The following PTCHD4 variants were observed in gnomAD, a reference collection of about 807,000 sequenced individuals.
The protein encoded by PTCHD4 is patched domain containing 4.
Under a neutral mutation model 58.1 loss-of-function variants are expected in PTCHD4, and 33 were observed. The ratio of observed to expected loss-of-function variants is 0.57; its 90% CI spans 0.43 to 0.76. PTCHD4 has a LOEUF of 0.76. PTCHD4 is among the 30% of genes least tolerant of loss of function. PTCHD4 has a pLI of 0.00. For missense variants in PTCHD4, 1,058 were observed against 1,027.1 expected (o/e 1.03, Z -0.41); for synonymous variants, 478 against 409.6 (o/e 1.17, Z -2.02).
intron 4 of PTCHD4, among the ~76,000 whole-genome samples, chr6:47,998,901 A>T (rs1768604720): frequency 6.6e-6 from 1 of 152,206 alleles, no homozygotes; most frequent in South Asian, 2.1e-4. Flanking sequence ...ATACATAAAA[A>T]TAGGCACATT....
Position 47,879,342 on chromosome 6 carries a change from C to A in PTCHD4, c.1493G>T (p.Ser498Ile). ...IINLLASDSP[S>I]VSYAMVQQKY... The stretch of plus-strand genomic sequence containing the variant: ...CTGCTGAACCATGGCATAGGAAACA[C>A]TTGGCGAATCACTGGCTAGTAGATT... The change falls in exon 5 of 5, where the codon AGT becomes ATT. Residue 498 changes from serine (S) to isoleucine (I), a missense_variant. By Grantham distance (142) the Ser-to-Ile change is moderately radical (BLOSUM62 -2). Coordinates refer to ENST00000339488, the MANE Select transcript of PTCHD4 (RefSeq NM_001384253.1). 1 of 1,613,394 alleles carries A rather than the reference C, an allele frequency of 6.2e-7. No individual in the cohort carries two copies. Among genetic ancestry groups the A allele is most frequent in the South Asian group, 1.1e-5 (1 of 91,022 alleles).
chr6:48,014,643 A>G (rs1762805350), intron 3 of PTCHD4, among the ~76,000 whole-genome samples: 4 of 152,180 alleles, frequency 2.6e-5, no homozygotes, highest in Admixed American at 2.6e-4. Flanking sequence ...CTATTTTTCT[A>G]TGAAAATACA....
At position 47,989,439 on chromosome 6, in the gene PTCHD4, C is replaced by T. The variant is rs111744588; in HGVS notation, c.898+19195G>A. Among the ~76,000 whole-genome samples, 1,301 of 152,300 alleles carry T rather than the reference C, an allele frequency of 8.5e-3. 14 individuals are homozygous for T. The highest frequency in any genetic ancestry group is 0.034 in the South Asian group (162 of 4,826). On this transcript the variant is annotated intron_variant, in intron 4 of 4. Coordinates refer to ENST00000339488, the MANE Select transcript of PTCHD4 (RefSeq NM_001384253.1). ...GGCATGTCAGAGGTCTTCAACGTAG[C>T]CTTTCCTGTCATAGGCCCAGAGGCT...
At chr6:47,892,777 A>G (rs559102581) in intron 4 of PTCHD4, among the ~76,000 whole-genome samples, 1 of 152,364 alleles carries the variant, frequency 6.6e-6, no homozygotes, top group South Asian at 2.1e-4. Flanking sequence ...GCTTCAAAGG[A>G]CAAGTTTTAA....
intron 3 of PTCHD4, among the ~76,000 whole-genome samples, chr6:48,020,722 C>T (rs1226798278): frequency 1.3e-5 from 2 of 151,974 alleles, no homozygotes; most frequent in East Asian, 3.9e-4. Context: ...ACTTACAATA[C>T]AGAAGACGTT....
At chr6:48,066,406 T>C (rs964669997) in intron 3 of PTCHD4, among the ~76,000 whole-genome samples, 3 of 152,140 alleles carry the variant, frequency 2.0e-5, no homozygotes, top group African/African-American at 7.2e-5. Context: ...CAACCAATAA[T>C]GCATACTAAT....
chr6:48,036,374 T>C (rs1216575850), intron 3 of PTCHD4, among the ~76,000 whole-genome samples: 1 of 152,120 alleles, frequency 6.6e-6, no homozygotes, highest in African/African-American at 2.4e-5. Context: ...AGTTTCAGTT[T>C]CCTGTGGTCA....
At chr6:47,949,564 A>T (rs1211271534) in intron 4 of PTCHD4, among the ~76,000 whole-genome samples, 1 of 152,156 alleles carries the variant, frequency 6.6e-6, no homozygotes, top group East Asian at 1.9e-4. Context: ...TGTATTGATT[A>T]TCTGCTTGAG....
At chr6:47,905,874 C>T (rs1357316039) in intron 4 of PTCHD4, among the ~76,000 whole-genome samples, 1 of 152,232 alleles carries the variant, frequency 6.6e-6, no homozygotes, top group African/African-American at 2.4e-5. Context: ...TTGCCATCAG[C>T]ACCTCCTGAG....
At chr6:48,055,285 A>T (rs535224280) in intron 3 of PTCHD4, among the ~76,000 whole-genome samples, 1 of 152,214 alleles carries the variant, frequency 6.6e-6, no homozygotes, top group African/African-American at 2.4e-5. Context: ...TATGATGACA[A>T]CTGTGTATTT....
chr6:48,093,602 G>A (rs1765407850), intron 1 of PTCHD4, among the ~76,000 whole-genome samples: 1 of 152,068 alleles, frequency 6.6e-6, no homozygotes, highest in Non-Finnish European at 1.5e-5. Context: ...CAAGGTATAG[G>A]ATGGGAGAAA....
chr6:47,967,672 T>C (rs1767345130), intron 4 of PTCHD4, among the ~76,000 whole-genome samples: 1 of 152,212 alleles, frequency 6.6e-6, no homozygotes, highest in Non-Finnish European at 1.5e-5. Flanking sequence ...GCTGCAGCAC[T>C]TGTGATTGCA....
rs970204487 is a variant in PTCHD4, at chr6:48,103,301, C to A, written c.-970+7748G>T. On this transcript the variant is annotated intron_variant, in intron 1 of 4. Coordinates refer to ENST00000339488, the MANE Select transcript of PTCHD4 (RefSeq NM_001384253.1). ...AGCAGCATTTGCGGTTCACCAATAT[C>A]CGCTGTTCTGCAGCTACTGCTGCTG... Among the ~76,000 whole-genome samples, 170 of 152,174 alleles carry A rather than the reference C, an allele frequency of 1.1e-3. 4 individuals are homozygous for A. The highest frequency in any genetic ancestry group is 0.011 in the Admixed American group (170 of 15,288).
intron 4 of PTCHD4, among the ~76,000 whole-genome samples, chr6:47,930,828 C>G (rs1765791535): frequency 6.6e-6 from 1 of 152,166 alleles, no homozygotes; most frequent in African/African-American, 2.4e-5. Flanking sequence ...GAGTCTCGCT[C>G]TGTTGCCCAG....
intron 4 of PTCHD4, among the ~76,000 whole-genome samples, chr6:47,891,189 T>A (rs578045556): frequency 1.5e-5 from 2 of 136,406 alleles, no homozygotes; most frequent in East Asian, 4.2e-4. Context: ...GCCACTGCAC[T>A]CCAGTCTGGG....
At chr6:48,101,640 T>G (rs6910789) in intron 1 of PTCHD4, among the ~76,000 whole-genome samples, 1 of 152,224 alleles carries the variant, frequency 6.6e-6, no homozygotes, top group African/African-American at 2.4e-5. Context: ...TATTATAAAT[T>G]AATAATTCCT....
intron 3 of PTCHD4, among the ~76,000 whole-genome samples, chr6:48,062,283 G>C (rs1471650320): frequency 6.6e-6 from 1 of 152,014 alleles, no homozygotes; most frequent in Admixed American, 6.6e-5. Flanking sequence ...GGCGGGGTGG[G>C]GATGATCTTG....
intron 4 of PTCHD4, among the ~76,000 whole-genome samples, chr6:47,975,525 A>AT (rs1767663220): frequency 6.6e-6 from 1 of 152,044 alleles, no homozygotes. Context: ...TGGTTCATGG[A>AT]TTTTTCAACT....
chr6:47,989,825 C>A (rs933073646), intron 4 of PTCHD4, among the ~76,000 whole-genome samples: 1 of 152,174 alleles, frequency 6.6e-6, no homozygotes, highest in East Asian at 1.9e-4. Context: ...CACAGAGAGG[C>A]CCCACCGGGG....
Sources: gnomAD v4.1 joint callset for allele counts (sites outside exome capture counted in the v4.1 genomes callset) on GRCh38, gnomAD v4.1.1 for gene constraint, MANE v1.5 for transcripts, NCBI Gene and HGNC (gene_info 2026-07-23, HGNC 2026-07-21) for gene names.